Variants in BAMBI observed in about 807,000 individuals in gnomAD.
BAMBI encodes BMP and activin membrane bound inhibitor.
Under a neutral mutation model 24.1 loss-of-function variants are expected in BAMBI, and 21 were observed. The ratio of observed to expected loss-of-function variants is 0.87; its 90% CI spans 0.62 to 1.26. The LOEUF is 1.26. Ranked by LOEUF, BAMBI falls within the 50% of genes most tolerant of loss-of-function variation. The pLI, the probability that BAMBI is intolerant of heterozygous loss-of-function variation, is 0.00. For synonymous variants in BAMBI, 156 were observed against 123.1 expected (o/e 1.27, Z -1.77); for missense variants, 388 against 329.1 (o/e 1.18, Z -1.38).
chr10:28,682,294 T>G lies in BAMBI; in HGVS notation c.676T>G (p.Cys226Gly). ...GCCGGTCAGTGGGCACGAGAACTGC[T>G]GTCTGACCTGTGATAAAATGAGACA... ...MVPVSGHENC[C>G]LTCDKMRQAD... The change falls in exon 3 of 3, where the codon TGT (cysteine) becomes GGT (glycine). Residue 226 changes from cysteine to glycine, a missense_variant. Coordinates refer to ENST00000375533, the MANE Select transcript of BAMBI (RefSeq NM_012342.3). The G allele has an allele frequency of 6.2e-7, 1 of 1,614,122 alleles. No homozygotes were observed. Among genetic ancestry groups the G allele is most frequent in the Non-Finnish European group, 8.5e-7 (1 of 1,180,010 alleles).
At position 28,680,390 on chromosome 10, in the gene BAMBI, A is replaced by G. The variant is rs573723016; in HGVS notation, c.77-868A>G. On this transcript the variant is annotated intron_variant, in intron 1 of 2. Coordinates refer to ENST00000375533, the MANE Select transcript of BAMBI (RefSeq NM_012342.3). ...TAAGTTTTTATAAAGGAAACTTTTAATCACTTCCTGTAGAAAATTTGAGGT... is the reference window on the plus strand; with the variant it reads ...TAAGTTTTTATAAAGGAAACTTTTAGTCACTTCCTGTAGAAAATTTGAGGT... Among the ~76,000 whole-genome samples, 36 of 152,356 alleles carry G rather than the reference A, an allele frequency of 2.4e-4. No homozygotes were observed. In the South Asian group the frequency reaches 7.2e-3, roughly 31 times the overall value.
intron 1 of BAMBI, among the ~76,000 whole-genome samples, chr10:28,680,488 G>GA (rs1469901696): frequency 6.6e-6 from 1 of 151,594 alleles, no homozygotes; most frequent in Non-Finnish European, 1.5e-5. Context: ...ATCACATGTC[G>GA]AATTACATGT....
At chr10:28,681,875 T>C in intron 2 of BAMBI, 108 bp from the exon 3 acceptor site, 2 of 1,150,812 alleles carry the variant, frequency 1.7e-6, no homozygotes, top group East Asian at 4.7e-5. Context: ...GTTGATTTAA[T>C]TGTAAGCTTC....
chr10:28,681,373 A>T lies in BAMBI; in HGVS notation c.192A>T (p.Pro64=). Residue 64 remains proline, a synonymous_variant, in exon 2 of 3, where the codon CCA becomes CCT. Transcript: ENST00000375533. ...RLLDPQNSNS[P]LTHGCLDSLA... Reference sequence around the variant, plus strand: ...TTGATCCTCAGAACTCAAATTCCCCACTCACCCATGGCTGCCTGGACTCTC... The same window carrying T: ...TTGATCCTCAGAACTCAAATTCCCCTCTCACCCATGGCTGCCTGGACTCTC... 6.2e-7 allele frequency: 1 copy of T among 1,613,952 alleles called. No individual in the cohort carries two copies. Among genetic ancestry groups the T allele is most frequent in the Non-Finnish European group, 8.5e-7 (1 of 1,179,984 alleles).
intron 1 of BAMBI, 72 bp downstream of exon 1, chr10:28,678,045 T>C: frequency 1.5e-6 from 2 of 1,366,848 alleles, no homozygotes; most frequent in South Asian, 2.6e-5. Context: ...CTGCAGAGGC[T>C]TTGTTAGCGG....
rs757053069 is a variant in BAMBI, at chr10:28,677,892, G to A, written c.-6G>A. 1.9e-5 allele frequency: 29 copies of A among 1,510,300 alleles called. No homozygotes were observed. The highest frequency in any genetic ancestry group is 2.5e-5 in the Non-Finnish European group (28 of 1,135,678). 93.6% of individuals were successfully genotyped at this position (1,510,300 alleles called of 1,614,324 possible). ...GGCGGGGGCGCCGCGGCCGTGCGGG[G>A]CGTCAATGGATCGCCACTCCAGCTA... On this transcript the variant is annotated 5_prime_UTR_variant, in exon 1 of 3. Coordinates refer to ENST00000375533, the MANE Select transcript of BAMBI (RefSeq NM_012342.3).
At chr10:28,680,113 G>A (rs749506080) in intron 1 of BAMBI, among the ~76,000 whole-genome samples, 1 of 152,150 alleles carries the variant, frequency 6.6e-6, no homozygotes, top group Non-Finnish European at 1.5e-5. Context: ...GGTGGGAAGA[G>A]GTTTGTAAAA....
rs374004822 is a variant in BAMBI, at chr10:28,677,890, G to A, written c.-8G>A. 6 of 1,508,024 alleles carry A rather than the reference G, an allele frequency of 4.0e-6. No homozygotes were observed. The African/African-American group carries it at 7.2e-5, about 18-fold the overall frequency. The allele number at this position is 1,508,024 out of a possible 1,614,324, so 93.4% of individuals were successfully genotyped here. ...CCGGCGGGGGCGCCGCGGCCGTGCGGGGCGTCAATGGATCGCCACTCCAGC... is the reference window on the plus strand; with the variant it reads ...CCGGCGGGGGCGCCGCGGCCGTGCGAGGCGTCAATGGATCGCCACTCCAGC... On this transcript the variant is annotated 5_prime_UTR_variant, in exon 1 of 3. Transcript: ENST00000375533.
At position 28,677,544 on chromosome 10, in the gene BAMBI, G is replaced by C. The variant is rs1834447715; in HGVS notation, c.-354G>C. On this transcript the variant is annotated 5_prime_UTR_variant, in exon 1 of 3. Coordinates refer to ENST00000375533, the MANE Select transcript of BAMBI (RefSeq NM_012342.3). ...CTGGGCTGGCGCGGGCGGGAGCTGCGGCGGATACCCTTGCGTGCTGTGGAG... is the reference window on the plus strand; with the variant it reads ...CTGGGCTGGCGCGGGCGGGAGCTGCCGCGGATACCCTTGCGTGCTGTGGAG... 1 of 164,010 alleles carries C rather than the reference G, an allele frequency of 6.1e-6. No individual in the cohort carries two copies. The highest frequency in any genetic ancestry group is 1.3e-5 in the Non-Finnish European group (1 of 76,376). The allele number at this position is 164,010 out of a possible 1,614,324, so 10.2% of individuals were successfully genotyped here. A position where few individuals can be genotyped will look rare whatever the true frequency, so the allele number is the denominator to read the frequency against.
At chr10:28,680,507 T>TGAGGAGGAG (rs61519238) in intron 1 of BAMBI, among the ~76,000 whole-genome samples, 115 of 152,066 alleles carry the variant, frequency 7.6e-4, no homozygotes, top group African/African-American at 2.5e-3. Context: ...GTAAAACTTG[T>TGAGGAGGAG]GAGGAGGAGG....
Position 28,682,433 on chromosome 10 carries a change from A to T in BAMBI, c.*32A>T. On this transcript the variant is annotated 3_prime_UTR_variant, in exon 3 of 3. Coordinates refer to ENST00000375533, the MANE Select transcript of BAMBI (RefSeq NM_012342.3). ...CTTATCTGAACTACACTTACTGAAC[A>T]GCTTGAAGGCCTTTTGAGTTCTGCT... is the stretch of plus-strand genomic sequence containing the variant. The T allele has an allele frequency of 6.3e-7, 1 of 1,578,728 alleles. No individual in the cohort carries two copies.
At chr10:28,680,726 A>G (rs1466061649) in intron 1 of BAMBI, among the ~76,000 whole-genome samples, 1 of 152,232 alleles carries the variant, frequency 6.6e-6, no homozygotes, top group Non-Finnish European at 1.5e-5. Flanking sequence ...ATAGCTGCCT[A>G]GTTTCATAGT....
chr10:28,679,468 A>G (rs1203147004), intron 1 of BAMBI, among the ~76,000 whole-genome samples: 2 of 152,190 alleles, frequency 1.3e-5, no homozygotes, highest in African/African-American at 2.4e-5. Flanking sequence ...TATGAACGAC[A>G]GAAATATAGT....
intron 2 of BAMBI, 24 bp downstream of exon 2, chr10:28,681,569 A>G (rs753912670): frequency 6.2e-7 from 1 of 1,608,194 alleles, no homozygotes; most frequent in Non-Finnish European, 8.5e-7. Flanking sequence ...GTTTCTAACC[A>G]GAATGCCTGC....
chr10:28,681,844 T>C (rs1834501405), intron 2 of BAMBI, 139 bp from the exon 3 acceptor site: 5 of 934,208 alleles, frequency 5.4e-6, no homozygotes, highest in Admixed American at 2.7e-5. Context: ...TCAGATAGTT[T>C]TGCAATGTTT....
In BAMBI at chr10:28,682,613, A is replaced by C; in HGVS notation, c.*212A>C. 1.9e-6 allele frequency: 1 copy of C among 515,462 alleles called. No individual in the cohort carries two copies. 31.9% of individuals were successfully genotyped at this position (515,462 alleles called of 1,614,324 possible). ...GTTATTTGCTTTTAAAATTATAAAA[A>C]GCAAAGAGAAGACTTTGTACACACT... On this transcript the variant is annotated 3_prime_UTR_variant, in exon 3 of 3. Coordinates refer to ENST00000375533, the MANE Select transcript of BAMBI (RefSeq NM_012342.3).
rs947395479 is a variant in BAMBI at position 28,677,803 on chromosome 10, C to T, written c.-95C>T. On this transcript the variant is annotated 5_prime_UTR_variant, in exon 1 of 3. Coordinates refer to ENST00000375533, the MANE Select transcript of BAMBI (RefSeq NM_012342.3). ...CGCTGACGGCGCCCGCCGCTCCGGG[C>T]AGGGCCCATGCCCTGCGCGCTCCGG... The T allele has an allele frequency of 7.7e-6, 7 of 908,046 alleles. No individual in the cohort carries two copies. The highest frequency in any genetic ancestry group is 7.2e-6 in the Non-Finnish European group (5 of 691,546). 56.2% of individuals were successfully genotyped at this position (908,046 alleles called of 1,614,324 possible). A position where few individuals can be genotyped will look rare whatever the true frequency, so the allele number is the denominator to read the frequency against.
In BAMBI at chr10:28,682,223, A is replaced by G. The variant is rs949321109; in HGVS notation, c.605A>G (p.His202Arg). ...SRLHYSFHGH[H>R]SKKGQVAKLD... is the part of the protein sequence containing the mutation. ...TTGCACTACAGCTTTCACGGACACC[A>G]TTCCAAAAAGGGGCAGGTTGCAAAG... The change falls in exon 3 of 3, where the codon CAT becomes CGT. Residue 202 changes from histidine to arginine, a missense_variant. Physicochemically the swap from His to Arg is conservative, Grantham distance 29. Coordinates refer to ENST00000375533, the MANE Select transcript of BAMBI (RefSeq NM_012342.3). 1.2e-6 allele frequency: 2 copies of G among 1,614,188 alleles called. No individual in the cohort carries two copies. Among genetic ancestry groups the G allele is most frequent in the Middle Eastern group, 1.6e-4 (1 of 6,062 alleles).
Position 28,682,317 on chromosome 10 carries a change from A to G in BAMBI, c.699A>G (p.Arg233=). Residue 233 remains arginine (R), a synonymous_variant, in exon 3 of 3, where the codon AGA becomes AGG. Transcript: ENST00000375533. The part of the protein sequence containing the change: ...ENCCLTCDKM[R]QADLSNDKIL... ...GCTGTCTGACCTGTGATAAAATGAG[A>G]CAAGCAGACCTCAGCAACGATAAGA... is the stretch of plus-strand genomic sequence containing the variant. The G allele has an allele frequency of 6.2e-7, 1 of 1,613,982 alleles. No individual in the cohort carries two copies. Among genetic ancestry groups the G allele is most frequent in the East Asian group, 2.2e-5 (1 of 44,862 alleles).
Sources: gnomAD v4.1 joint callset for allele counts (sites outside exome capture counted in the v4.1 genomes callset) on GRCh38, gnomAD v4.1.1 for gene constraint, MANE v1.5 for transcripts, NCBI Gene and HGNC (gene_info 2026-07-23, HGNC 2026-07-21) for gene names.